Variants in TIMM8A observed in about 807,000 individuals in gnomAD.
TIMM8A encodes the protein translocase of inner mitochondrial membrane 8A, also known as mitochondrial import inner membrane translocase subunit Tim8 A.
TIMM8A carries 2 observed loss-of-function variants against 6.8 expected under a neutral mutation model. That is an observed-to-expected ratio of 0.30 (90% confidence interval 0.12 to 0.93). The LOEUF is 0.93. TIMM8A is among the 40% of genes least tolerant of loss of function. TIMM8A has a pLI of 0.55. For synonymous variants in TIMM8A, 26 were observed against 28.5 expected (o/e 0.91, Z 0.28); for missense variants, 34 against 75.2 (o/e 0.45, Z 2.02).
intron 1 of TIMM8A, chrX:101,347,391 G>A (rs1555976221): frequency 2.7e-5 from 3 of 109,566 alleles, no homozygotes; most frequent in African/African-American, 1.0e-4. Flanking sequence ...TTCCTGAGTA[G>A]CTGGGATTAC....
rs1164299270 is a variant in TIMM8A, at chrX:101,345,909, G to C, written c.*590C>G. Reference sequence around the variant, plus strand: ...CTGGCTAGATTCCTTTATAACTAAAGGCCTCTAGACTCTCAGGCTGCCTAC... The same window carrying C: ...CTGGCTAGATTCCTTTATAACTAAACGCCTCTAGACTCTCAGGCTGCCTAC... On this transcript the variant is annotated 3_prime_UTR_variant, in exon 2 of 2. Transcript: ENST00000372902. 12 of 751,731 alleles carry C rather than the reference G, an allele frequency of 1.6e-5. No individual in the cohort carries two copies. Among genetic ancestry groups the C allele is most frequent in the Non-Finnish European group, 1.7e-5 (11 of 638,951 alleles). 62.0% of individuals were successfully genotyped at this position (751,731 alleles called of 1,213,427 possible).
chrX:101,348,430 G>A, intron 1 of TIMM8A, 103 bp downstream of exon 1: 3 of 1,167,866 alleles, frequency 2.6e-6, no homozygotes, highest in Non-Finnish European at 3.4e-6. Flanking sequence ...GCTGCCAGGT[G>A]CCCGCCCCCC....
rs782657477 is a variant in TIMM8A, at chrX:101,348,699, C to G, written c.-35G>C. The G allele has an allele frequency of 3.3e-6, 4 of 1,208,832 alleles. No homozygotes were observed. Among genetic ancestry groups the G allele is most frequent in the African/African-American group, 1.7e-5 (1 of 57,766 alleles). On this transcript the variant is annotated 5_prime_UTR_variant, in exon 1 of 2. Coordinates refer to ENST00000372902, the MANE Select transcript of TIMM8A (RefSeq NM_004085.4). ...ACCAAGCTTGCAGAGACGAACTCCGCACCGACCTTCACGTGTCTCCGCGAC... is the reference window on the plus strand; with the variant it reads ...ACCAAGCTTGCAGAGACGAACTCCGGACCGACCTTCACGTGTCTCCGCGAC...
At chrX:101,348,427 G>C in intron 1 of TIMM8A, 106 bp downstream of exon 1, 1 of 1,188,241 alleles carries the variant, frequency 8.4e-7, no homozygotes, top group Non-Finnish European at 1.1e-6. Flanking sequence ...GTTGCTGCCA[G>C]GTGCCCGCCC....
chrX:101,346,104 C>T lies in TIMM8A; in HGVS notation c.*395G>A. The T allele has an allele frequency of 1.2e-6, 1 of 836,508 alleles. No homozygotes were observed. The highest frequency in any genetic ancestry group is 1.4e-6 in the Non-Finnish European group (1 of 692,405). The allele number at this position is 836,508 out of a possible 1,213,427, so 68.9% of individuals were successfully genotyped here. A position where few individuals can be genotyped will look rare whatever the true frequency, so the allele number is the denominator to read the frequency against. On this transcript the variant is annotated 3_prime_UTR_variant, in exon 2 of 2. Coordinates refer to ENST00000372902, the MANE Select transcript of TIMM8A (RefSeq NM_004085.4). ...AAATTATTCTTCCCCTACTTCTGCC[C>T]TTTCTGATAAACACAAGGATCTCCC...
intron 1 of TIMM8A, chrX:101,347,872 T>C: frequency 5.0e-6 from 1 of 198,247 alleles, no homozygotes; most frequent in Non-Finnish European, 7.9e-6. Context: ...ATTGTGTACA[T>C]TAAGGGAGAT....
chrX:101,346,171 G>T lies in TIMM8A; in HGVS notation c.*328C>A, dbSNP rs782017070. 1.2e-6 allele frequency: 1 copy of T among 865,710 alleles called. No individual in the cohort carries two copies. The highest frequency in any genetic ancestry group is 7.8e-5 in the East Asian group (1 of 12,869). The allele number at this position is 865,710 out of a possible 1,213,427, so 71.3% of individuals were successfully genotyped here. ...CTCCACACAAATGAGAGATTTTTAC[G>T]TATGTGGTCCCACTATCAAAATTAT... On this transcript the variant is annotated 3_prime_UTR_variant, in exon 2 of 2. Coordinates refer to ENST00000372902, the MANE Select transcript of TIMM8A (RefSeq NM_004085.4).
At position 101,345,839 on chromosome X, in the gene TIMM8A, G is replaced by A; in HGVS notation, c.*660C>T. The A allele has an allele frequency of 1.3e-6, 1 of 752,408 alleles. No individual in the cohort carries two copies. The highest frequency in any genetic ancestry group is 1.5e-4 in the East Asian group (1 of 6,650). 62.0% of individuals were successfully genotyped at this position (752,408 alleles called of 1,213,427 possible). ...TTTTGTACCCTGATATACAGGGTAA[G>A]TTAATTTCTTCCTTGTGGCAGTCTA... is the stretch of plus-strand genomic sequence containing the variant. On this transcript the variant is annotated 3_prime_UTR_variant, in exon 2 of 2. Coordinates refer to ENST00000372902, the MANE Select transcript of TIMM8A (RefSeq NM_004085.4).
At chrX:101,346,741 T>C (rs1555976145) in intron 1 of TIMM8A, 81 bp from the exon 2 acceptor site, 21 of 1,038,318 alleles carry the variant, frequency 2.0e-5, no homozygotes. Flanking sequence ...TTTTTGTTGC[T>C]TAGAGAAAAA....
intron 1 of TIMM8A, chrX:101,347,909 T>C (rs782522445): frequency 2.6e-6 from 1 of 392,117 alleles, no homozygotes; most frequent in Non-Finnish European, 3.3e-6. Flanking sequence ...GAACACGTTG[T>C]TGGCAAGCTG....
chrX:101,348,675 C>A lies in TIMM8A; in HGVS notation c.-11G>T, dbSNP rs727503478. On this transcript the variant is annotated 5_prime_UTR_variant, in exon 1 of 2. Transcript: ENST00000372902. The stretch of plus-strand genomic sequence containing the variant: ...GGAGGAGGAATCCATCCCAGGGCGA[C>A]CAAGCTTGCAGAGACGAACTCCGCA... 2.0e-4 allele frequency: 239 copies of A among 1,209,182 alleles called. No homozygotes were observed. In the South Asian group the frequency reaches 4.0e-3, roughly 20 times the overall value.
In TIMM8A at chrX:101,346,678, C is replaced by T; in HGVS notation, c.133-18G>A. The T allele has an allele frequency of 5.0e-6, 6 of 1,209,908 alleles. No individual in the cohort carries two copies. Among genetic ancestry groups the T allele is most frequent in the Non-Finnish European group, 6.7e-6 (6 of 894,461 alleles). On this transcript the variant is annotated intron_variant, in intron 1 of 1. Coordinates refer to ENST00000372902, the MANE Select transcript of TIMM8A (RefSeq NM_004085.4). Reference sequence around the variant, plus strand: ...CACTTCTCCTGCTCAGGACAAGATACAGAATCACAAAGGGAACTTGGAAAG... The same window carrying T: ...CACTTCTCCTGCTCAGGACAAGATATAGAATCACAAAGGGAACTTGGAAAG...
At position 101,345,925 on chromosome X, in the gene TIMM8A, G is replaced by A; in HGVS notation, c.*574C>T. The A allele has an allele frequency of 2.7e-6, 2 of 754,688 alleles. No homozygotes were observed. Among genetic ancestry groups the A allele is most frequent in the Non-Finnish European group, 3.1e-6 (2 of 639,771 alleles). 62.2% of individuals were successfully genotyped at this position (754,688 alleles called of 1,213,427 possible). On this transcript the variant is annotated 3_prime_UTR_variant, in exon 2 of 2. Transcript: ENST00000372902. ...ATAACTAAAGGCCTCTAGACTCTCA[G>A]GCTGCCTACCCTACCTTGAGACTTA...
At chrX:101,346,943 G>A in intron 1 of TIMM8A, 2 of 277,537 alleles carry the variant, frequency 7.2e-6, no homozygotes, top group Non-Finnish European at 6.3e-6. Context: ...AAAATCATAG[G>A]GCCAGAAAAT....
chrX:101,347,014 A>C (rs1357058006), intron 1 of TIMM8A: 1 of 178,978 alleles, frequency 5.6e-6, no homozygotes, highest in Non-Finnish European at 1.0e-5. Context: ...TAACCTTTCA[A>C]TGAATTTGGT....
rs1205209879 is a variant in TIMM8A at position 101,346,370 on chromosome X, A to C, written c.*129T>G. The C allele has an allele frequency of 1.7e-6, 2 of 1,194,851 alleles. No individual in the cohort carries two copies. Among genetic ancestry groups the C allele is most frequent in the Admixed American group, 2.2e-5 (1 of 44,466 alleles). On this transcript the variant is annotated 3_prime_UTR_variant, in exon 2 of 2. Coordinates refer to ENST00000372902, the MANE Select transcript of TIMM8A (RefSeq NM_004085.4). ...AAAAAATTGGTCTTTGTTCATTCTCAGATGACAGGATGTCCCAAGAGTAAC... is the reference window on the plus strand; with the variant it reads ...AAAAAATTGGTCTTTGTTCATTCTCCGATGACAGGATGTCCCAAGAGTAAC...
Position 101,345,804 on chromosome X carries a change from T to C in TIMM8A, c.*695A>G, listed in dbSNP as rs1926052740. The stretch of plus-strand genomic sequence containing the variant: ...AATCTTTATAACTTATTTAGGCACA[T>C]CACTGAATTTTTTGTACCCTGATAT... On this transcript the variant is annotated 3_prime_UTR_variant, in exon 2 of 2. Coordinates refer to ENST00000372902, the MANE Select transcript of TIMM8A (RefSeq NM_004085.4). 1.3e-5 allele frequency: 10 copies of C among 749,024 alleles called. No homozygotes were observed. The South Asian group carries it at 6.8e-4, about 51-fold the overall frequency. 61.7% of individuals were successfully genotyped at this position (749,024 alleles called of 1,213,427 possible). A position where few individuals can be genotyped will look rare whatever the true frequency, so the allele number is the denominator to read the frequency against.
At chrX:101,347,226 C>T (rs1926091561) in intron 1 of TIMM8A, 1 of 111,157 alleles carries the variant, frequency 9.0e-6, no homozygotes, top group Non-Finnish European at 1.9e-5. Context: ...AATGCATTTT[C>T]CTAAGGGGTT....
Position 101,345,698 on chromosome X carries a change from A to C in TIMM8A, c.*801T>G. Reference sequence around the variant, plus strand: ...TAGCTTTTATTTCAGTGATCAGAAGAATGCAGTAAATGGAATCTACACTAA... The same window carrying C: ...TAGCTTTTATTTCAGTGATCAGAAGCATGCAGTAAATGGAATCTACACTAA... On this transcript the variant is annotated 3_prime_UTR_variant, in exon 2 of 2. Coordinates refer to ENST00000372902, the MANE Select transcript of TIMM8A (RefSeq NM_004085.4). The C allele has an allele frequency of 9.3e-6, 7 of 753,504 alleles. No individual in the cohort carries two copies. The highest frequency in any genetic ancestry group is 1.1e-5 in the Non-Finnish European group (7 of 638,380). The allele number at this position is 753,504 out of a possible 1,213,427, so 62.1% of individuals were successfully genotyped here.
Sources: allele counts gnomAD v4.1 joint callset, GRCh38; gene constraint gnomAD v4.1.1; transcripts MANE v1.5; gene names NCBI Gene and HGNC (gene_info 2026-07-23, HGNC 2026-07-21).